TRIM44: variants seen among roughly 807,000 people sequenced by gnomAD.
The protein encoded by TRIM44 is tripartite motif-containing protein 44.
TRIM44 carries 13 observed loss-of-function variants against 37.4 expected under a neutral mutation model. The ratio of observed to expected loss-of-function variants is 0.35; its 90% CI spans 0.23 to 0.55. TRIM44 has a LOEUF of 0.55. Among genes scored for constraint, TRIM44 ranks in the 20% least tolerant of loss-of-function variants. The probability of loss-of-function intolerance (pLI) is 0.89; values close to 1 mark genes in which losing one functional copy is unlikely to be tolerated. For missense variants in TRIM44, 426 were observed against 437.2 expected (o/e 0.97, Z 0.23); for synonymous variants, 175 against 157.2 (o/e 1.11, Z -0.85).
At chr11:35,695,328 C>G (rs1359363163) in intron 2 of TRIM44, among the ~76,000 whole-genome samples, 1 of 152,134 alleles carries the variant, frequency 6.6e-6, no homozygotes, top group East Asian at 1.9e-4. Flanking sequence ...GCACTAATAA[C>G]TGATGGGTTA....
At chr11:35,713,922 G>A (rs1418028448) in intron 2 of TRIM44, among the ~76,000 whole-genome samples, 1 of 152,168 alleles carries the variant, frequency 6.6e-6, no homozygotes, top group African/African-American at 2.4e-5. Context: ...CATTGAAGTA[G>A]ACTGACCCTG....
chr11:35,687,189 C>T (rs896542307), intron 2 of TRIM44, among the ~76,000 whole-genome samples: 2 of 152,202 alleles, frequency 1.3e-5, no homozygotes, highest in Admixed American at 1.3e-4. Context: ...CATTGTGCTG[C>T]AGTTTTCTAA....
intron 2 of TRIM44, among the ~76,000 whole-genome samples, chr11:35,693,636 T>C (rs1240562775): frequency 2.0e-5 from 3 of 152,180 alleles, no homozygotes; most frequent in Non-Finnish European, 4.4e-5. Context: ...TCCAAAACAA[T>C]GGCCTCCCAT....
At chr11:35,754,230 T>C (rs1477366627) in intron 4 of TRIM44, among the ~76,000 whole-genome samples, 4 of 152,156 alleles carry the variant, frequency 2.6e-5, no homozygotes, top group Admixed American at 2.0e-4. Flanking sequence ...CTAATATCAC[T>C]GTAGTTAATG....
At chr11:35,704,799 G>A (rs189967646) in intron 2 of TRIM44, among the ~76,000 whole-genome samples, 8,675 of 152,228 alleles carry the variant, frequency 0.057, 820 homozygotes, top group African/African-American at 0.2. Context: ...ACCAGCCACT[G>A]CAAAATCATG....
chr11:35,740,708 T>C (rs1404345699), intron 4 of TRIM44, among the ~76,000 whole-genome samples: 5 of 152,184 alleles, frequency 3.3e-5, no homozygotes, highest in South Asian at 2.1e-4. Flanking sequence ...GGGCAAGTCA[T>C]TTAACATCCT....
chr11:35,709,892 G>T (rs1390145655), intron 2 of TRIM44, among the ~76,000 whole-genome samples: 1 of 152,166 alleles, frequency 6.6e-6, no homozygotes, highest in Non-Finnish European at 1.5e-5. Flanking sequence ...GAATCGGGCA[G>T]CCCCCAGAAT....
chr11:35,664,047 G>A (rs936709445), intron 1 of TRIM44, among the ~76,000 whole-genome samples: 8 of 152,122 alleles, frequency 5.3e-5, no homozygotes, highest in Non-Finnish European at 1.0e-4. Context: ...TGGATCCCAG[G>A]TAAAGCATTT....
chr11:35,756,309 C>T (rs1435121371), intron 4 of TRIM44, among the ~76,000 whole-genome samples: 1 of 152,020 alleles, frequency 6.6e-6, no homozygotes, highest in Admixed American at 6.6e-5. Context: ...CTCTGTTTGT[C>T]TGTTATTGGT....
At chr11:35,677,168 C>T (rs904880609) in intron 1 of TRIM44, among the ~76,000 whole-genome samples, 3 of 152,116 alleles carry the variant, frequency 2.0e-5, no homozygotes, top group Non-Finnish European at 2.9e-5. Context: ...AGCTAGCAAG[C>T]GTAAGGACTG....
intron 4 of TRIM44, among the ~76,000 whole-genome samples, chr11:35,779,310 G>C (rs116487639): frequency 2.0e-4 from 30 of 152,282 alleles, no homozygotes; most frequent in African/African-American, 7.0e-4. Context: ...CAGTATTAGG[G>C]TGCAAGTGTC....
intron 4 of TRIM44, among the ~76,000 whole-genome samples, chr11:35,805,079 C>T (rs150810955): frequency 3.6e-4 from 55 of 152,288 alleles, no homozygotes; most frequent in African/African-American, 1.3e-3. Flanking sequence ...CCACTTCAGA[C>T]TTTATCCAAC....
chr11:35,685,455 C>A, intron 2 of TRIM44, 119 bp downstream of exon 2: 1 of 810,076 alleles, frequency 1.2e-6, no homozygotes, highest in Non-Finnish European at 2.0e-6. Flanking sequence ...TTTAATTAAG[C>A]CTGCCCATCA....
rs192381316 is a variant in TRIM44, at chr11:35,740,875, T to G, written c.1007+5430T>G. On this transcript the variant is annotated intron_variant, in intron 4 of 4. Coordinates refer to ENST00000299413, the MANE Select transcript of TRIM44 (RefSeq NM_017583.6). ...CTTACAGATTCTATAATTTGGTGGG[T>G]TTTTTTTCCTCAATTTTGTTTCTTT... Among the ~76,000 whole-genome samples, 246 of 152,072 alleles carry G rather than the reference T, an allele frequency of 1.6e-3. 4 individuals carry two copies. In the East Asian group the frequency reaches 0.036, roughly 22 times the overall value.
intron 4 of TRIM44, among the ~76,000 whole-genome samples, chr11:35,741,654 G>A (rs1249386292): frequency 6.6e-6 from 1 of 152,208 alleles, no homozygotes; most frequent in Non-Finnish European, 1.5e-5. Context: ...ATCCGGTACA[G>A]TAGTTACGAT....
chr11:35,755,386 T>C (rs1178986329), intron 4 of TRIM44, among the ~76,000 whole-genome samples: 1 of 152,226 alleles, frequency 6.6e-6, no homozygotes, highest in Non-Finnish European at 1.5e-5. Flanking sequence ...TTGAGTTCAT[T>C]GTAGATTCTG....
intron 4 of TRIM44, among the ~76,000 whole-genome samples, chr11:35,761,753 T>A (rs1852732516): frequency 6.6e-6 from 1 of 152,228 alleles, no homozygotes; most frequent in Non-Finnish European, 1.5e-5. Flanking sequence ...ATATCACTAT[T>A]GTAGACTTGC....
At chr11:35,806,246 A>T in intron 4 of TRIM44, 112 bp from the exon 5 acceptor site, 3 of 1,179,784 alleles carry the variant, frequency 2.5e-6, no homozygotes, top group Non-Finnish European at 3.8e-6. Flanking sequence ...CATGGTAGTT[A>T]AGACTTAATT....
At chr11:35,777,161 T>G (rs907960221) in intron 4 of TRIM44, among the ~76,000 whole-genome samples, 2 of 152,254 alleles carry the variant, frequency 1.3e-5, no homozygotes, top group Non-Finnish European at 2.9e-5. Flanking sequence ...CATATATATT[T>G]GGGATAGTTA....
Sources: allele counts gnomAD v4.1 joint callset (sites outside exome capture counted in the v4.1 genomes callset), GRCh38; gene constraint gnomAD v4.1.1; transcripts MANE v1.5; gene names NCBI Gene and HGNC (gene_info 2026-07-23, HGNC 2026-07-21).